Variants in RBM20 observed in about 807,000 individuals in gnomAD.
RBM20 encodes RNA-binding protein 20.
Under a neutral mutation model 110.1 loss-of-function variants are expected in RBM20, and 51 were observed. That is an observed-to-expected ratio of 0.46 (90% CI 0.37 to 0.59). The LOEUF is 0.59. Among genes scored for constraint, RBM20 ranks in the 20% least tolerant of loss-of-function variants. RBM20 has a pLI of 0.00. For missense variants in RBM20, 1,512 were observed against 1,574.9 expected (o/e 0.96, Z 0.68); for synonymous variants, 589 against 618.2 (o/e 0.95, Z 0.70).
At chr10:110,716,188 A>T (rs147772416) in intron 1 of RBM20, among the ~76,000 whole-genome samples, 41 of 152,346 alleles carry the variant, frequency 2.7e-4, no homozygotes, top group African/African-American at 9.9e-4. Flanking sequence ...TTTCCTAGTA[A>T]TGAGGAGGTA....
At chr10:110,830,916 G>A in intron 12 of RBM20, 145 bp from the exon 13 acceptor site, 1 of 725,698 alleles carries the variant, frequency 1.4e-6, no homozygotes, top group Non-Finnish European at 2.2e-6. Flanking sequence ...ACTGAGGCTT[G>A]GAGAAGCTCA....
rs1844424864 is a variant in RBM20, at chr10:110,786,827, T to C, written c.1527+1938T>C. Among the ~76,000 whole-genome samples, 2 of 152,142 alleles carry C rather than the reference T, an allele frequency of 1.3e-5. 1 individual carries two copies. Among genetic ancestry groups the C allele is most frequent in the South Asian group, 4.1e-4 (2 of 4,830 alleles). On this transcript the variant is annotated intron_variant, in intron 5 of 13. Transcript: ENST00000369519. Reference sequence around the variant, plus strand: ...TGTGACCACGATGGGGGAGGCTGGATTGAGTGTCAGGTGGGCAGGGGGCAG... The same window carrying C: ...TGTGACCACGATGGGGGAGGCTGGACTGAGTGTCAGGTGGGCAGGGGGCAG...
At chr10:110,798,409 AC>A (rs1466320470) in intron 6 of RBM20, among the ~76,000 whole-genome samples, 9 of 152,242 alleles carry the variant, frequency 5.9e-5, no homozygotes, top group Non-Finnish European at 1.3e-4. Context: ...CTCTCCATCA[AC>A]CTGGAGTGAG....
intron 1 of RBM20, among the ~76,000 whole-genome samples, chr10:110,730,719 G>A (rs552637741): frequency 1.4e-4 from 22 of 152,280 alleles, no homozygotes; most frequent in South Asian, 1.0e-3. Flanking sequence ...ATCTCTCTTG[G>A]AGTCCTGAAT....
intron 1 of RBM20, among the ~76,000 whole-genome samples, chr10:110,719,089 T>C (rs1238735568): frequency 6.6e-6 from 1 of 152,258 alleles, no homozygotes; most frequent in Non-Finnish European, 1.5e-5. Flanking sequence ...AGGTAGAGTC[T>C]TCTAATAGAA....
intron 1 of RBM20, among the ~76,000 whole-genome samples, chr10:110,723,302 C>T (rs185992790): frequency 6.6e-5 from 10 of 152,220 alleles, no homozygotes; most frequent in Admixed American, 1.3e-4. Flanking sequence ...TTTTATACCC[C>T]CAAAAGAAAC....
At chr10:110,687,176 G>A (rs1250593474) in intron 1 of RBM20, among the ~76,000 whole-genome samples, 1 of 152,180 alleles carries the variant, frequency 6.6e-6, no homozygotes, top group Non-Finnish European at 1.5e-5. Context: ...ACAGTGAAAA[G>A]CTGAGTCATA....
chr10:110,702,987 TCTTG>T (rs1564820092), intron 1 of RBM20, among the ~76,000 whole-genome samples: 3 of 134,182 alleles, frequency 2.2e-5, no homozygotes, highest in Non-Finnish European at 3.1e-5. Flanking sequence ...GGGTTTTTTT[TCTTG>T]TTTTTTTTTT....
chr10:110,799,298 T>A (rs897580440), intron 6 of RBM20, among the ~76,000 whole-genome samples: 1 of 152,172 alleles, frequency 6.6e-6, no homozygotes, highest in Non-Finnish European at 1.5e-5. Context: ...TGGCATGATG[T>A]AGCCCAGGAC....
intron 1 of RBM20, among the ~76,000 whole-genome samples, chr10:110,742,884 A>G (rs1843737904): frequency 6.6e-6 from 1 of 152,208 alleles, no homozygotes; most frequent in South Asian, 2.1e-4. Flanking sequence ...CATCTTCTTC[A>G]ACAGTGTGCC....
rs1564663863 is a variant in RBM20, at chr10:110,820,112, A to C, written c.2591A>C (p.Gln864Pro). The change falls in exon 10 of 14, where the codon CAA (glutamine) becomes CCA (proline). Residue 864 changes from glutamine (Q) to proline (P), a missense_variant. Physicochemically the swap from Gln to Pro is moderately conservative, Grantham distance 76 (BLOSUM62 -1). Transcript: ENST00000369519. ...CAGGAGGGCATGGAAGAAAGCCCTCAATCAGTGGGCAGACAGGAGAAAGAA... is the reference window on the plus strand; with the variant it reads ...CAGGAGGGCATGGAAGAAAGCCCTCCATCAGTGGGCAGACAGGAGAAAGAA... ...EEQEGMEESPQSVGRQEKEAE... is the reference protein window; with the variant it reads ...EEQEGMEESPPSVGRQEKEAE... 1.9e-6 allele frequency: 3 copies of C among 1,551,446 alleles called. No homozygotes were observed. The highest frequency in any genetic ancestry group is 2.7e-5 in the African/African-American group (2 of 73,188).
At chr10:110,652,845 A>G (rs1460067788) in intron 1 of RBM20, among the ~76,000 whole-genome samples, 1 of 152,142 alleles carries the variant, frequency 6.6e-6, no homozygotes, top group Non-Finnish European at 1.5e-5. Flanking sequence ...GCCTTAGTCT[A>G]CTCACTTCCC....
rs551369945 is a variant in RBM20, at chr10:110,752,217, C to A, written c.192-28584C>A. Among the ~76,000 whole-genome samples the A allele has an allele frequency of 2.2e-4, 33 of 152,328 alleles. 1 individual carries two copies. In the South Asian group the frequency reaches 6.8e-3, roughly 32 times the overall value. On this transcript the variant is annotated intron_variant, in intron 1 of 13. Transcript: ENST00000369519. ...CCTATATATCCCTTCTCCCCGCTAACCCCTGGCAATCACTGACCCTTTTAC... is the reference window on the plus strand; with the variant it reads ...CCTATATATCCCTTCTCCCCGCTAAACCCTGGCAATCACTGACCCTTTTAC...
Position 110,812,943 on chromosome 10 carries a change from A to T in RBM20, c.2546A>T (p.Asn849Ile). Residue 849 changes from asparagine (N) to isoleucine (I), a missense_variant, in exon 9 of 14, where the codon AAT becomes ATT. Asn to Ile is a moderately radical substitution (Grantham distance 149, BLOSUM62 -3). Around this residue, in one of 3 missense-constraint regions of RBM20, gnomAD observed 1,149 missense variants for 1,169.4 expected, o/e 0.98. Transcript: ENST00000369519. ...DDRKENTMAENEAGKEEQEGM... is the reference protein window; with the variant it reads ...DDRKENTMAEIEAGKEEQEGM... Reference sequence around the variant, plus strand: ...AGAAAAGAAAACACAATGGCAGAGAATGAGGTAATGATCAATTTCTTCCCC... The same window carrying T: ...AGAAAAGAAAACACAATGGCAGAGATTGAGGTAATGATCAATTTCTTCCCC... 4 of 1,448,828 alleles carry T rather than the reference A, an allele frequency of 2.8e-6. No individual in the cohort carries two copies. Among genetic ancestry groups the T allele is most frequent in the Non-Finnish European group, 3.6e-6 (4 of 1,098,394 alleles). 89.7% of individuals were successfully genotyped at this position (1,448,828 alleles called of 1,614,324 possible).
In RBM20 at chr10:110,781,890, T is replaced by C. The variant is rs1436113272; in HGVS notation, c.1275+6T>C. The C allele has an allele frequency of 6.4e-7, 1 of 1,551,584 alleles. No homozygotes were observed. The highest frequency in any genetic ancestry group is 1.4e-5 in the African/African-American group (1 of 73,036). ...AGAAGGTGTTTGATTTGAAGGTGAG[T>C]TGTCCAAGACAGGCTGGGAGCCACA... is the stretch of plus-strand genomic sequence containing the variant. On this transcript the variant is annotated splice_donor_region_variant and intron_variant, in intron 2 of 13. Coordinates refer to ENST00000369519, the MANE Select transcript of RBM20 (RefSeq NM_001134363.3).
Position 110,784,480 on chromosome 10 carries a change from C to G in RBM20, c.1429+48C>G, listed in dbSNP as rs1844395920. 5 of 1,323,450 alleles carry G rather than the reference C, an allele frequency of 3.8e-6. No homozygotes were observed. In the African/African-American group the frequency reaches 4.4e-5, roughly 12 times the overall value. 82.0% of individuals were successfully genotyped at this position (1,323,450 alleles called of 1,614,324 possible). A position where few individuals can be genotyped will look rare whatever the true frequency, so the allele number is the denominator to read the frequency against. On this transcript the variant is annotated intron_variant, in intron 4 of 13. Coordinates refer to ENST00000369519, the MANE Select transcript of RBM20 (RefSeq NM_001134363.3). ...GCAGCTTGAAGCAGAAGTGGGCTAC[C>G]CACAGGCACATTATGTCCTGTCTTT...
chr10:110,661,021 G>A (rs1372055539), intron 1 of RBM20, among the ~76,000 whole-genome samples: 9 of 152,088 alleles, frequency 5.9e-5, no homozygotes, highest in Admixed American at 5.9e-4. Flanking sequence ...TCCAATGGCA[G>A]GAGAGTTGTA....
Position 110,812,453 on chromosome 10 carries a change from G to A in RBM20, c.2056G>A (p.Glu686Lys). Reference protein sequence around the residue: ...WEHSPYARREEERDPAPWRDN... With the variant: ...WEHSPYARREKERDPAPWRDN... ...GCACTCTCCCTATGCCAGGAGGGAG[G>A]AAGAGCGAGACCCGGCTCCCTGGAG... is the stretch of plus-strand genomic sequence containing the variant. Residue 686 changes from glutamate (E) to lysine (K), a missense_variant, in exon 9 of 14, where the codon GAA becomes AAA. Around this residue, in one of 3 missense-constraint regions of RBM20, gnomAD observed 1,149 missense variants for 1,169.4 expected, o/e 0.98. Coordinates refer to ENST00000369519, the MANE Select transcript of RBM20 (RefSeq NM_001134363.3). The A allele has an allele frequency of 6.4e-7, 1 of 1,551,734 alleles. No individual in the cohort carries two copies. Among genetic ancestry groups the A allele is most frequent in the South Asian group, 1.2e-5 (1 of 84,064 alleles).
intron 1 of RBM20, among the ~76,000 whole-genome samples, chr10:110,725,144 G>A (rs746764604): frequency 4.6e-5 from 7 of 152,246 alleles, no homozygotes; most frequent in South Asian, 2.1e-4. Flanking sequence ...AGAATGACTC[G>A]GGAGTAAATG....
Sources: allele counts gnomAD v4.1 joint callset (sites outside exome capture counted in the v4.1 genomes callset), GRCh38; gene constraint gnomAD v4.1.1; regional missense constraint gnomAD v4.1.1; transcripts MANE v1.5; gene names NCBI Gene and HGNC (gene_info 2026-07-23, HGNC 2026-07-21).